Variants in BAZ1B observed in about 807,000 individuals in gnomAD.
The protein encoded by BAZ1B is tyrosine-protein kinase BAZ1B.
Under a neutral mutation model 153.8 loss-of-function variants are expected in BAZ1B, and 22 were observed. The ratio of observed to expected loss-of-function variants is 0.14; its 90% CI spans 0.10 to 0.20. The LOEUF (loss-of-function observed/expected upper bound fraction) is 0.20, where lower values mean the gene tolerates loss of function less well. Among genes scored for constraint, BAZ1B ranks in the 10% least tolerant of loss-of-function variants. BAZ1B has a pLI of 1.00. For synonymous variants in BAZ1B, 676 were observed against 633.4 expected, an observed-to-expected ratio of 1.07 and a Z score of -1.01; for missense variants, 1,325 against 1,799.3, an observed-to-expected ratio of 0.74 and a Z score of 4.77.
intron 5 of BAZ1B, among the ~76,000 whole-genome samples, chr7:73,492,520 G>C (rs2116390338): frequency 6.6e-6 from 1 of 152,242 alleles, no homozygotes; most frequent in East Asian, 1.9e-4. Flanking sequence ...TAACTGCTGG[G>C]AACAGATTCT....
chr7:73,520,410 G>C (rs1790988792), intron 1 of BAZ1B, among the ~76,000 whole-genome samples: 1 of 152,124 alleles, frequency 6.6e-6, no homozygotes, highest in South Asian at 2.1e-4. Flanking sequence ...AAGTGAAGGA[G>C]TAACATTCCA....
At chr7:73,456,751 GGCC>G (rs1464248696) in intron 13 of BAZ1B, among the ~76,000 whole-genome samples, 7 of 151,706 alleles carry the variant, frequency 4.6e-5, no homozygotes, top group Non-Finnish European at 7.4e-5. Flanking sequence ...AGACCAGTCT[GGCC>G]AACATGGTGA....
chr7:73,517,398 T>C (rs555614151), intron 1 of BAZ1B, among the ~76,000 whole-genome samples: 2 of 151,346 alleles, frequency 1.3e-5, no homozygotes, highest in South Asian at 2.1e-4. Context: ...GCAGGCTGAG[T>C]GGGAAGAATC....
intron 13 of BAZ1B, among the ~76,000 whole-genome samples, chr7:73,458,982 C>T (rs1286843243): frequency 6.6e-6 from 1 of 152,206 alleles, no homozygotes; most frequent in Non-Finnish European, 1.5e-5. Flanking sequence ...GGAGTGGTGG[C>T]TCACGCCTGT....
chr7:73,459,932 C>T (rs928164205), intron 12 of BAZ1B, among the ~76,000 whole-genome samples: 5 of 152,190 alleles, frequency 3.3e-5, no homozygotes, highest in African/African-American at 4.8e-5. Context: ...CAGTGGCTCA[C>T]GCCTGTAATC....
intron 9 of BAZ1B, among the ~76,000 whole-genome samples, chr7:73,467,561 G>C (rs1472394820): frequency 6.6e-6 from 1 of 151,900 alleles, no homozygotes; most frequent in Non-Finnish European, 1.5e-5. Context: ...GTAGAGACGG[G>C]GTTTCGCCAT....
chr7:73,488,889 A>T (rs1231196281), intron 6 of BAZ1B, among the ~76,000 whole-genome samples: 1 of 152,144 alleles, frequency 6.6e-6, no homozygotes, highest in African/African-American at 2.4e-5. Flanking sequence ...TGGTTAACAA[A>T]ATACTTTTTA....
At chr7:73,509,208 G>A (rs1790474301) in intron 2 of BAZ1B, among the ~76,000 whole-genome samples, 1 of 151,764 alleles carries the variant, frequency 6.6e-6, no homozygotes, top group South Asian at 2.1e-4. Context: ...TGTAATCCCA[G>A]CTACTCGGGA....
At chr7:73,513,605 TTG>T (rs1255076316) in intron 1 of BAZ1B, among the ~76,000 whole-genome samples, 8 of 152,210 alleles carry the variant, frequency 5.3e-5, no homozygotes, top group Non-Finnish European at 7.3e-5. Context: ...CAAGACGGAT[TTG>T]TCTTATTTTT....
At chr7:73,505,789 G>C (rs1554577666) in intron 3 of BAZ1B, among the ~76,000 whole-genome samples, 1 of 152,204 alleles carries the variant, frequency 6.6e-6, no homozygotes, top group South Asian at 2.1e-4. Context: ...GACCTCAGGT[G>C]ATCTGCCCAC....
Position 73,512,028 on chromosome 7 carries a change from C to CAAAAAAAA in BAZ1B, c.108-1184_108-1177dup, listed in dbSNP as rs1168749967. ...GGGTGATAAGAGCGAAACTCCACCT[C>CAAAAAAAA]AAAAAAAAAAAAAAAAAAAAAAAAA... On this transcript the variant is annotated intron_variant, in intron 1 of 19. Coordinates refer to ENST00000339594, the MANE Select transcript of BAZ1B (RefSeq NM_032408.4). Among the ~76,000 whole-genome samples, 16 of 34,750 alleles carry CAAAAAAAA rather than the reference C, an allele frequency of 4.6e-4. 4 individuals carry two copies. The highest frequency in any genetic ancestry group is 1.8e-3 in the African/African-American group (15 of 8,142). 22.8% of individuals were successfully genotyped at this position (34,750 alleles called of 152,430 possible).
intron 9 of BAZ1B, among the ~76,000 whole-genome samples, chr7:73,469,023 G>A (rs766353487): frequency 3.3e-5 from 5 of 151,796 alleles, no homozygotes; most frequent in Non-Finnish European, 7.4e-5. Flanking sequence ...CCAGCTACTC[G>A]GGAGACTGAA....
In BAZ1B at chr7:73,444,099, T is replaced by C; in HGVS notation, c.3875A>G (p.His1292Arg). ...CCTTGCTGCAGGGGGGATGACGCTG[T>C]GCTTGCCCCGGATGGTCTTTCGAGG... ...LRPRKTIRGK[H>R]SVIPPAARSG... Residue 1292 changes from histidine (H) to arginine (R), a missense_variant, in exon 17 of 20, where the codon CAC becomes CGC. Around this residue, in one of 9 missense-constraint regions of BAZ1B, gnomAD observed 271 missense variants for 337.2 expected, o/e 0.80. Transcript: ENST00000339594. 6.2e-7 allele frequency: 1 copy of C among 1,608,986 alleles called. No individual in the cohort carries two copies. Among genetic ancestry groups the C allele is most frequent in the African/African-American group, 1.3e-5 (1 of 74,750 alleles).
Position 73,450,927 on chromosome 7 carries a change from A to AC in BAZ1B, c.3499dup (p.Val1167GlyfsTer7). On this transcript the variant is annotated frameshift_variant, in exon 14 of 20. Coordinates refer to ENST00000339594, the MANE Select transcript of BAZ1B (RefSeq NM_032408.4). LOFTEE classifies it high-confidence loss of function. The surrounding 1 kb of genome is among the most constrained non-coding windows in gnomAD (Gnocchi z 4.1). ...ACAGGCATCAAGCATCCCAAGCAGCACGTGCATCCTGGAGAAAGTCTGAGC... is the reference window on the plus strand; with the variant it reads ...ACAGGCATCAAGCATCCCAAGCAGCACCGTGCATCCTGGAGAAAGTCTGAGC... 1 of 1,614,190 alleles carries AC rather than the reference A, an allele frequency of 6.2e-7. No individual in the cohort carries two copies. Among genetic ancestry groups the AC allele is most frequent in the Non-Finnish European group, 8.5e-7 (1 of 1,180,028 alleles).
chr7:73,521,891 G>A lies in BAZ1B; in HGVS notation c.43C>T (p.Pro15Ser), dbSNP rs782698459. The change falls in exon 1 of 20, where the codon CCG becomes TCG. Residue 15 changes from proline to serine, a missense_variant. Transcript: ENST00000339594. ...AAGAGCGGCTCCTCTCCGGGCAACG[G>A]CTTCACCAGCGGGAAGGGCTTGCGG... is the stretch of plus-strand genomic sequence containing the variant. ...LGRKPFPLVKPLPGEEPLFTI... is the reference protein window; with the variant it reads ...LGRKPFPLVKSLPGEEPLFTI... 5.9e-5 allele frequency: 89 copies of A among 1,499,708 alleles called. No individual in the cohort carries two copies. Among genetic ancestry groups the A allele is most frequent in the East Asian group, 2.9e-5 (1 of 34,592 alleles). The allele number at this position is 1,499,708 out of a possible 1,614,324, so 92.9% of individuals were successfully genotyped here.
intron 17 of BAZ1B, 127 bp from the exon 18 acceptor site, chr7:73,442,955 T>C: frequency 1.4e-6 from 1 of 718,282 alleles, no homozygotes; most frequent in Admixed American, 2.7e-5. Flanking sequence ...GCAGAGGTGC[T>C]GAAACCTTCT....
intron 11 of BAZ1B, 133 bp from the exon 12 acceptor site, chr7:73,463,232 C>CTT: frequency 1.6e-6 from 1 of 638,498 alleles, no homozygotes. Context: ...GGTGTTTTTT[C>CTT]TTTTTTCTTT....
At chr7:73,518,071 C>G (rs1790883093) in intron 1 of BAZ1B, among the ~76,000 whole-genome samples, 1 of 152,082 alleles carries the variant, frequency 6.6e-6, no homozygotes, top group Non-Finnish European at 1.5e-5. Flanking sequence ...AAGTTAAAAA[C>G]AAGTCTAATA....
intron 3 of BAZ1B, among the ~76,000 whole-genome samples, chr7:73,501,527 C>T (rs558455109): frequency 6.6e-6 from 1 of 152,202 alleles, no homozygotes; most frequent in East Asian, 1.9e-4. Flanking sequence ...TGAGAGGGTG[C>T]TACTGGCATC....
Sources: allele counts gnomAD v4.1 joint callset (sites outside exome capture counted in the v4.1 genomes callset), GRCh38; gene constraint gnomAD v4.1.1; regional missense constraint gnomAD v4.1.1; non-coding constraint Gnocchi (gnomAD v3.1); transcripts MANE v1.5; gene names NCBI Gene and HGNC (gene_info 2026-07-23, HGNC 2026-07-21).